The following IQSEC1 variants were observed in gnomAD, a reference collection of about 807,000 sequenced individuals.
IQSEC1 encodes IQ motif and Sec7 domain ArfGEF 1, also known as IQ motif and SEC7 domain-containing protein 1.
In IQSEC1, 31 loss-of-function variants were observed where a neutral mutation model predicts 91.0. The ratio of observed to expected loss-of-function variants is 0.34; its 90% CI spans 0.26 to 0.46. The LOEUF (loss-of-function observed/expected upper bound fraction) is 0.46, where lower values mean the gene tolerates loss of function less well. Ranked by LOEUF, IQSEC1 falls within the 20% of genes least tolerant of loss-of-function variation. The pLI is 1.00. For missense variants in IQSEC1, 1,388 were observed against 1,575.6 expected, an observed-to-expected ratio of 0.88 and a Z score of 2.02; for synonymous variants, 699 against 662.6, an observed-to-expected ratio of 1.05 and a Z score of -0.84.
intron 1 of IQSEC1, among the ~76,000 whole-genome samples, chr3:13,224,224 G>A (rs921707213): frequency 3.3e-4 from 51 of 152,268 alleles, no homozygotes; most frequent in African/African-American, 1.1e-3. Flanking sequence ...AGTCCCCTCT[G>A]TGGTCCAGAC....
chr3:13,104,450 A>T (rs1284855929), intron 2 of IQSEC1, among the ~76,000 whole-genome samples: 1 of 152,096 alleles, frequency 6.6e-6, no homozygotes, highest in Non-Finnish European at 1.5e-5. Flanking sequence ...TCTGTAGTCT[A>T]TACAAAAATA....
chr3:12,924,278 G>A lies in IQSEC1; in HGVS notation c.1730+303C>T, dbSNP rs577563612. ...GGGCTGTGATGCTTGGTGCTGGGTT[G>A]GATCAACCGTGCTTAGGGATGGAGG... On this transcript the variant is annotated intron_variant, in intron 4 of 13. Coordinates refer to ENST00000613206, the MANE Select transcript of IQSEC1 (RefSeq NM_001134382.3). This position sits in a 1 kb window ranked among gnomAD's most constrained non-coding sequence, Gnocchi z 6.3. Among the ~76,000 whole-genome samples, 1 of 152,332 alleles carries A rather than the reference G, an allele frequency of 6.6e-6. No individual in the cohort carries two copies. Among genetic ancestry groups the A allele is most frequent in the African/African-American group, 2.4e-5 (1 of 41,574 alleles).
intron 1 of IQSEC1, among the ~76,000 whole-genome samples, chr3:12,959,169 G>A (rs946212669): frequency 1.3e-5 from 2 of 152,226 alleles, no homozygotes; most frequent in Non-Finnish European, 2.9e-5. Context: ...GTGAAGTAGA[G>A]AAGGAAAGAG....
chr3:13,045,337 C>T (rs1704454278), intron 1 of IQSEC1, among the ~76,000 whole-genome samples: 1 of 152,182 alleles, frequency 6.6e-6, no homozygotes, highest in Non-Finnish European at 1.5e-5. Flanking sequence ...TGCCTGTGCT[C>T]CTGCCTGCCA....
rs966235081 is a variant in IQSEC1, at chr3:13,008,865, C to T, written c.23+64127G>A. 3.3e-5 allele frequency among the ~76,000 whole-genome samples: 5 copies of T among 152,324 alleles called. No individual in the cohort carries two copies. Among genetic ancestry groups the T allele is most frequent in the South Asian group, 4.1e-4 (2 of 4,830 alleles). ...AGACACGCTGGCAAACCCCATCCCA[C>T]GGGCTAGGCTTTCAGTTAACCCTCT... On this transcript the variant is annotated intron_variant, in intron 1 of 13. Transcript: ENST00000613206. The surrounding 1 kb of genome is among the most constrained non-coding windows in gnomAD (Gnocchi z 4.1).
intron 2 of IQSEC1, among the ~76,000 whole-genome samples, chr3:13,108,079 C>T (rs1175160699): frequency 6.6e-6 from 1 of 152,246 alleles, no homozygotes; most frequent in Non-Finnish European, 1.5e-5. Flanking sequence ...CGCCTGGAAC[C>T]CACCAGTCTA....
rs552163966 is a variant in IQSEC1 at position 13,079,304 on chromosome 3, C to T, written c.303-31782G>A. Among the ~76,000 whole-genome samples, 7 of 152,236 alleles carry T rather than the reference C, an allele frequency of 4.6e-5. No individual in the cohort carries two copies. The South Asian group carries it at 1.4e-3, about 31-fold the overall frequency. On this transcript the variant is annotated intron_variant, in intron 2 of 15. Transcript: ENST00000648114. ...CCAGTCCTGCATCCGTAAGTGCTGA[C>T]CAATGCTTGCTTTGGGTCAGACCCA...
chr3:13,019,552 C>A (rs923174496), intron 1 of IQSEC1, among the ~76,000 whole-genome samples: 1 of 152,238 alleles, frequency 6.6e-6, no homozygotes, highest in African/African-American at 2.4e-5. Flanking sequence ...CCGCAGAGGG[C>A]CTGCTCCTGG....
chr3:13,078,605 T>C (rs923979), intron 2 of IQSEC1, among the ~76,000 whole-genome samples: 112,394 of 152,096 alleles, frequency 0.74, 41,778 homozygotes, highest in East Asian at 0.85. Flanking sequence ...AGGGCATCTA[T>C]GTCCACCTGC....
chr3:13,140,395 C>G (rs931472430), intron 2 of IQSEC1, among the ~76,000 whole-genome samples: 1 of 152,208 alleles, frequency 6.6e-6, no homozygotes, highest in African/African-American at 2.4e-5. Flanking sequence ...TGTCTGTCTT[C>G]ATGGAAATCA....
chr3:13,112,660 C>T (rs1706268008), intron 2 of IQSEC1, among the ~76,000 whole-genome samples: 1 of 152,242 alleles, frequency 6.6e-6, no homozygotes, highest in African/African-American at 2.4e-5. Flanking sequence ...GCCAGGTGGT[C>T]CCGCAGCAGA....
At chr3:13,002,619 T>C (rs1298901784) in intron 1 of IQSEC1, among the ~76,000 whole-genome samples, 3 of 149,732 alleles carry the variant, frequency 2.0e-5, no homozygotes, top group African/African-American at 7.4e-5. Context: ...GTATGTAGAG[T>C]ATGCAAATAA....
intron 1 of IQSEC1, among the ~76,000 whole-genome samples, chr3:12,956,211 CCTT>C (rs1232339708): frequency 6.6e-6 from 1 of 152,180 alleles, no homozygotes; most frequent in Non-Finnish European, 1.5e-5. Context: ...CTGGGCCACC[CCTT>C]CTCTTCCTGC....
intron 1 of IQSEC1, among the ~76,000 whole-genome samples, chr3:12,951,472 A>G (rs1357438944): frequency 1.3e-5 from 2 of 151,968 alleles, no homozygotes; most frequent in Non-Finnish European, 2.9e-5. Flanking sequence ...AGAATAAAAG[A>G]AGAGACATAG....
intron 8 of IQSEC1, among the ~76,000 whole-genome samples, chr3:12,914,048 A>G (rs1309524135): frequency 6.6e-6 from 1 of 152,240 alleles, no homozygotes; most frequent in Admixed American, 6.5e-5. Flanking sequence ...GCCAGGATCC[A>G]ATTCCAGGCC....
intron 2 of IQSEC1, among the ~76,000 whole-genome samples, chr3:13,121,609 G>A (rs1356011412): frequency 6.6e-6 from 1 of 152,222 alleles, no homozygotes; most frequent in Admixed American, 6.5e-5. Context: ...TAATTGATGT[G>A]TTCTGAGAAG....
intron 1 of IQSEC1, among the ~76,000 whole-genome samples, chr3:13,020,211 G>A (rs1703336047): frequency 6.6e-6 from 1 of 152,212 alleles, no homozygotes; most frequent in Non-Finnish European, 1.5e-5. Flanking sequence ...GCCTGGCCCA[G>A]CTCCCAAGTC....
chr3:13,021,838 G>A (rs1240481247), intron 1 of IQSEC1, among the ~76,000 whole-genome samples: 3 of 152,130 alleles, frequency 2.0e-5, no homozygotes, highest in South Asian at 2.1e-4. Context: ...CCAGCCGAAC[G>A]TGTGCTCTGG....
chr3:12,917,519 C>T (rs1696213708), intron 6 of IQSEC1, among the ~76,000 whole-genome samples: 1 of 152,240 alleles, frequency 6.6e-6, no homozygotes, highest in African/African-American at 2.4e-5. Context: ...AGACTGGCCT[C>T]TTTCACTCAG....
Sources: allele counts gnomAD v4.1 joint callset (sites outside exome capture counted in the v4.1 genomes callset), GRCh38; gene constraint gnomAD v4.1.1; non-coding constraint Gnocchi (gnomAD v3.1); transcripts MANE v1.5; gene names NCBI Gene and HGNC (gene_info 2026-07-23, HGNC 2026-07-21).